The following LTBP2 variants were observed in gnomAD, a reference collection of about 807,000 sequenced individuals.
LTBP2 encodes the protein latent transforming growth factor beta binding protein 2, also known as latent-transforming growth factor beta-binding protein 2.
LTBP2 carries 103 observed loss-of-function variants against 210.6 expected under a neutral mutation model. The ratio of observed to expected loss-of-function variants is 0.49; its 90% CI spans 0.42 to 0.58. The LOEUF is 0.58. LTBP2 is among the 20% of genes least tolerant of loss of function. LTBP2 has a pLI of 0.00. For synonymous variants in LTBP2, 1,007 were observed against 1,015.0 expected (o/e 0.99, Z 0.15); for missense variants, 2,313 against 2,494.5 (o/e 0.93, Z 1.55).
chr14:74,542,064 T>C (rs917474339), intron 8 of LTBP2, among the ~76,000 whole-genome samples: 2 of 152,134 alleles, frequency 1.3e-5, no homozygotes, highest in African/African-American at 4.8e-5. Flanking sequence ...TTCAGACTCT[T>C]AGACTTGGGA....
intron 17 of LTBP2, among the ~76,000 whole-genome samples, chr14:74,520,298 C>T (rs561517796): frequency 1.5e-4 from 23 of 152,288 alleles, no homozygotes; most frequent in Admixed American, 1.0e-3. Flanking sequence ...TGGAAGCAAA[C>T]CATGCTTTGG....
chr14:74,563,532 GA>G (rs2087824003), intron 3 of LTBP2, among the ~76,000 whole-genome samples: 1 of 152,108 alleles, frequency 6.6e-6, no homozygotes, highest in Non-Finnish European at 1.5e-5. Flanking sequence ...AAGATACACT[GA>G]AAAGTGAAAG....
chr14:74,552,360 C>A lies in LTBP2; in HGVS notation c.1226G>T (p.Arg409Leu), dbSNP rs370158492. The A allele has an allele frequency of 6.2e-7, 1 of 1,610,742 alleles. No homozygotes were observed. The highest frequency in any genetic ancestry group is 2.2e-5 in the East Asian group (1 of 44,878). ...FCQIPCLNGG[R>L]CIGRDECWCP... ...CCAGCATTCGTCCCTGCCGATGCAG[C>A]GGCCTCCGTTCAGGCAGGGGATCTG... Residue 409 changes from arginine (R) to leucine (L), a missense_variant, in exon 6 of 36, where the codon CGC (arginine) becomes CTC (leucine). Around this residue, in one of 3 missense-constraint regions of LTBP2, gnomAD observed 1,867 missense variants for 1,976.9 expected, o/e 0.94. Transcript: ENST00000261978.
chr14:74,522,329 T>C (rs2087216072), intron 16 of LTBP2, among the ~76,000 whole-genome samples: 1 of 152,136 alleles, frequency 6.6e-6, no homozygotes, highest in South Asian at 2.1e-4. Flanking sequence ...GAAACCACAA[T>C]GGATATTTCT....
At chr14:74,524,107 G>A (rs2087241387) in intron 15 of LTBP2, among the ~76,000 whole-genome samples, 1 of 152,076 alleles carries the variant, frequency 6.6e-6, no homozygotes, top group Non-Finnish European at 1.5e-5. Context: ...CACATGCCAA[G>A]AGCTGCTGCT....
In LTBP2 at chr14:74,503,370, G is replaced by T. The variant is rs748301004; in HGVS notation, c.4737C>A (p.His1579Gln). 6.2e-7 allele frequency: 1 copy of T among 1,612,904 alleles called. No homozygotes were observed. The highest frequency in any genetic ancestry group is 8.5e-7 in the Non-Finnish European group (1 of 1,179,866). The change falls in exon 33 of 36, where the codon CAC (histidine) becomes CAA (glutamine). Residue 1579 changes from histidine (H) to glutamine (Q), a missense_variant. Physicochemically the swap from His to Gln is conservative, Grantham distance 24. This residue lies in a region of LTBP2 where 443 missense variants were observed against 501.4 expected (regional missense o/e 0.88). Coordinates refer to ENST00000261978, the MANE Select transcript of LTBP2 (RefSeq NM_000428.3). Reference sequence around the variant, plus strand: ...TCCAGCAGATGTCCATGTGGATGTCGTGGTCAGGGAGGTCCTCTGGTGGCA... The same window carrying T: ...TCCAGCAGATGTCCATGTGGATGTCTTGGTCAGGGAGGTCCTCTGGTGGCA... ...STSSTEDLPD[H>Q]DIHMDICWKK...
chr14:74,519,716 G>T (rs2087178448), intron 17 of LTBP2, among the ~76,000 whole-genome samples: 1 of 152,144 alleles, frequency 6.6e-6, no homozygotes, highest in Non-Finnish European at 1.5e-5. Context: ...TTCCCCAGCT[G>T]CTGGGGCTGG....
At position 74,522,913 on chromosome 14, in the gene LTBP2, C is replaced by T. The variant is rs1363137085; in HGVS notation, c.2536G>A (p.Asp846Asn). ...TTGGTGGCTCCAGCAGCGCATCTGTCAATGCCTGTGGGAGACAGAGCAAAA... is the reference window on the plus strand; with the variant it reads ...TTGGTGGCTCCAGCAGCGCATCTGTTAATGCCTGTGGGAGACAGAGCAAAA... The part of the protein sequence containing the change: ...VLVTLSTPGI[D>N]RCAAGATNVC... Residue 846 changes from aspartate to asparagine, a missense_variant, in exon 16 of 36, where the codon GAC (aspartate) becomes AAC (asparagine). This residue lies in a region of LTBP2 where 1,867 missense variants were observed against 1,976.9 expected (regional missense o/e 0.94). Coordinates refer to ENST00000261978, the MANE Select transcript of LTBP2 (RefSeq NM_000428.3). The T allele has an allele frequency of 6.2e-7, 1 of 1,611,806 alleles. No homozygotes were observed. The highest frequency in any genetic ancestry group is 1.7e-5 in the Admixed American group (1 of 59,694).
intron 2 of LTBP2, among the ~76,000 whole-genome samples, chr14:74,601,343 C>T (rs1356441487): frequency 2.6e-5 from 4 of 151,896 alleles, no homozygotes; most frequent in Non-Finnish European, 5.9e-5. Flanking sequence ...GCCAGGAGTT[C>T]GAGACCAGCC....
intron 2 of LTBP2, among the ~76,000 whole-genome samples, chr14:74,602,469 C>T (rs1232185442): frequency 6.6e-6 from 1 of 152,204 alleles, no homozygotes; most frequent in African/African-American, 2.4e-5. Context: ...AGGTAAGATA[C>T]CTGGCAGCAG....
At chr14:74,511,168 T>A in intron 19 of LTBP2, 77 bp downstream of exon 19, 1 of 1,607,246 alleles carries the variant, frequency 6.2e-7, no homozygotes, top group Non-Finnish European at 8.5e-7. Flanking sequence ...CCCACCTCTT[T>A]CCCTTTCCGT....
chr14:74,511,114 A>C (rs1293211002), intron 19 of LTBP2, 131 bp downstream of exon 19: 8 of 1,447,460 alleles, frequency 5.5e-6, no homozygotes, highest in Non-Finnish European at 7.7e-6. Context: ...CTGGGAACCC[A>C]GCTAGATCAT....
chr14:74,601,773 T>C (rs1318936002), intron 2 of LTBP2, among the ~76,000 whole-genome samples: 1 of 152,172 alleles, frequency 6.6e-6, no homozygotes, highest in East Asian at 1.9e-4. Context: ...TATCATAGAA[T>C]AACGTATGAT....
chr14:74,546,385 G>C (rs1595267105), intron 8 of LTBP2, among the ~76,000 whole-genome samples: 2 of 152,120 alleles, frequency 1.3e-5, no homozygotes, highest in Non-Finnish European at 2.9e-5. Flanking sequence ...GCCCACCCCA[G>C]CCCCAGGTTC....
chr14:74,511,463 G>C, intron 18 of LTBP2, 99 bp from the exon 19 acceptor site: 1 of 1,472,480 alleles, frequency 6.8e-7, no homozygotes, highest in Middle Eastern at 1.7e-4. Flanking sequence ...TGGTTGGGGA[G>C]AGGGATGGAC....
chr14:74,607,914 G>GTTT (rs1403931240), intron 1 of LTBP2, among the ~76,000 whole-genome samples: 3 of 139,888 alleles, frequency 2.1e-5, no homozygotes, highest in Admixed American at 7.2e-5. Context: ...ACTAGACTAT[G>GTTT]TTTTTTTTTT....
intron 9 of LTBP2, among the ~76,000 whole-genome samples, chr14:74,535,508 T>A (rs1291483148): frequency 6.6e-6 from 1 of 152,100 alleles, no homozygotes; most frequent in Non-Finnish European, 1.5e-5. Flanking sequence ...GGTTTTCAGT[T>A]GGGAAAAGCC....
At chr14:74,571,958 A>G (rs2087984735) in intron 3 of LTBP2, among the ~76,000 whole-genome samples, 1 of 128,366 alleles carries the variant, frequency 7.8e-6, no homozygotes, top group South Asian at 2.3e-4. Flanking sequence ...AGGAGAAATA[A>G]GGAGAAAAAA....
intron 3 of LTBP2, among the ~76,000 whole-genome samples, chr14:74,580,696 G>T (rs1280598025): frequency 6.6e-6 from 1 of 152,190 alleles, no homozygotes; most frequent in Non-Finnish European, 1.5e-5. Flanking sequence ...AGGTGCAGTG[G>T]CTCACGCCTG....
Sources: allele counts gnomAD v4.1 joint callset (sites outside exome capture counted in the v4.1 genomes callset), GRCh38; gene constraint gnomAD v4.1.1; regional missense constraint gnomAD v4.1.1; transcripts MANE v1.5; gene names NCBI Gene and HGNC (gene_info 2026-07-23, HGNC 2026-07-21).